The following COL24A1 variants were observed in gnomAD, a reference collection of about 807,000 sequenced individuals.
The protein encoded by COL24A1 is collagen alpha-1(XXIV) chain.
In COL24A1, 224 loss-of-function variants were observed where a neutral mutation model predicts 253.9. The ratio of observed to expected loss-of-function variants is 0.88; its 90% CI spans 0.79 to 0.99. COL24A1 has a LOEUF of 0.99. Ranked by LOEUF, COL24A1 falls within the 50% of genes least tolerant of loss-of-function variation. COL24A1 has a pLI of 0.00. For missense variants in COL24A1, 2,131 were observed against 2,068.5 expected (o/e 1.03, Z -0.59); for synonymous variants, 685 against 673.7 (o/e 1.02, Z -0.26).
At chr1:86,006,976 C>A (rs964700365) in intron 19 of COL24A1, among the ~76,000 whole-genome samples, 1 of 152,038 alleles carries the variant, frequency 6.6e-6, no homozygotes, top group Non-Finnish European at 1.5e-5. Flanking sequence ...CTTTGGGAGG[C>A]CAAGGTGTGA....
At chr1:85,898,497 A>C (rs1222466234) in intron 28 of COL24A1, among the ~76,000 whole-genome samples, 1 of 152,192 alleles carries the variant, frequency 6.6e-6, no homozygotes, top group Non-Finnish European at 1.5e-5. Context: ...AAGGTACTCC[A>C]TAATCTATTC....
At chr1:86,112,859 T>C (rs1705745374) in intron 4 of COL24A1, among the ~76,000 whole-genome samples, 1 of 152,342 alleles carries the variant, frequency 6.6e-6, no homozygotes, top group South Asian at 2.1e-4. Flanking sequence ...AATATCTCTC[T>C]CCTACTAATT....
chr1:85,896,452 C>CT (rs759020315), intron 28 of COL24A1, 43 bp from the exon 29 acceptor site: 1,574 of 1,477,546 alleles, frequency 1.1e-3, no homozygotes, highest in Non-Finnish European at 1.2e-3. Context: ...TGAAATGTTC[C>CT]TTTTTTTTTC....
Position 85,729,576 on chromosome 1 carries a change from A to G in COL24A1, c.*970T>C, listed in dbSNP as rs1663277623. The G allele has an allele frequency of 6.6e-6, 1 of 152,622 alleles. No individual in the cohort carries two copies. The highest frequency in any genetic ancestry group is 1.5e-5 in the Non-Finnish European group (1 of 68,034). 9.5% of individuals were successfully genotyped at this position (152,622 alleles called of 1,614,324 possible). On this transcript the variant is annotated 3_prime_UTR_variant, in exon 60 of 60. Coordinates refer to ENST00000370571, the MANE Select transcript of COL24A1 (RefSeq NM_152890.7). Reference sequence around the variant, plus strand: ...ATATAAAGGTTTTATAATTTAAAACAGCAGCAATTTCAAAAAATTTGCTGA... The same window carrying G: ...ATATAAAGGTTTTATAATTTAAAACGGCAGCAATTTCAAAAAATTTGCTGA...
intron 5 of COL24A1, among the ~76,000 whole-genome samples, chr1:86,108,620 T>TAAA (rs55852463): frequency 6.0e-5 from 5 of 83,098 alleles, no homozygotes; most frequent in African/African-American, 2.6e-4. Context: ...CCATCTCTAC[T>TAAA]AAAAAAAAAA....
intron 7 of COL24A1, among the ~76,000 whole-genome samples, chr1:86,074,346 C>T (rs1702093058): frequency 6.6e-6 from 1 of 151,864 alleles, no homozygotes; most frequent in Non-Finnish European, 1.5e-5. Flanking sequence ...CAACAAAGAT[C>T]AAAAAAGACA....
chr1:86,148,460 T>C (rs1572082769), intron 1 of COL24A1, among the ~76,000 whole-genome samples: 1 of 152,270 alleles, frequency 6.6e-6, no homozygotes, highest in Middle Eastern at 3.4e-3. Context: ...TAACTCGTCA[T>C]CTAGCATGAG....
chr1:85,797,044 C>CAA (rs149029376), intron 47 of COL24A1, among the ~76,000 whole-genome samples: 6 of 138,084 alleles, frequency 4.3e-5, no homozygotes, highest in African/African-American at 5.3e-5. Context: ...ACCAAAAATA[C>CAA]AAAAAAAAAA....
At chr1:85,746,496 G>A (rs1457786528) in intron 55 of COL24A1, among the ~76,000 whole-genome samples, 1 of 152,100 alleles carries the variant, frequency 6.6e-6, no homozygotes, top group South Asian at 2.1e-4. Context: ...ATTTAGAGAG[G>A]AGATAGGCAA....
At chr1:85,805,451 A>G (rs942886000) in intron 47 of COL24A1, among the ~76,000 whole-genome samples, 3 of 152,222 alleles carry the variant, frequency 2.0e-5, no homozygotes, top group Non-Finnish European at 4.4e-5. Flanking sequence ...GATACAAATC[A>G]GTAGTGCTTC....
In COL24A1 at chr1:86,022,893, A is replaced by G. The variant is rs778985648; in HGVS notation, c.2104-16T>C. On this transcript the variant is annotated splice_polypyrimidine_tract_variant and intron_variant, in intron 15 of 59. Transcript: ENST00000370571. ...CTGAAAGGCCCTACAAAAAAAGGTG[A>G]CATTTTGTGATATCATAGACAGATT... The G allele has an allele frequency of 3.7e-6, 6 of 1,608,844 alleles. No individual in the cohort carries two copies. Among genetic ancestry groups the G allele is most frequent in the Non-Finnish European group, 5.1e-6 (6 of 1,177,236 alleles).
At chr1:85,844,311 T>C (rs1676937145) in intron 39 of COL24A1, among the ~76,000 whole-genome samples, 1 of 152,096 alleles carries the variant, frequency 6.6e-6, no homozygotes, top group East Asian at 1.9e-4. Flanking sequence ...TCCTTTAAGA[T>C]AACTCTTGTT....
At chr1:86,060,535 G>C (rs1468313130) in intron 8 of COL24A1, among the ~76,000 whole-genome samples, 1 of 152,116 alleles carries the variant, frequency 6.6e-6, no homozygotes, top group Non-Finnish European at 1.5e-5. Flanking sequence ...ATGAAAAATA[G>C]AGGATAATAG....
intron 47 of COL24A1, among the ~76,000 whole-genome samples, chr1:85,793,858 T>C (rs11161674): frequency 0.096 from 14,618 of 152,104 alleles, 1,170 homozygotes; most frequent in African/African-American, 0.2. Context: ...AATGGGGATA[T>C]GACTTAACAG....
chr1:85,854,278 G>T (rs1017676918), intron 37 of COL24A1, among the ~76,000 whole-genome samples: 3 of 152,094 alleles, frequency 2.0e-5, no homozygotes, highest in African/African-American at 7.2e-5. Flanking sequence ...AGCTGTAGTT[G>T]TGTGGCTTTA....
intron 44 of COL24A1, 36 bp downstream of exon 44, chr1:85,823,649 A>G (rs753007053): frequency 6.2e-7 from 1 of 1,613,132 alleles, no homozygotes; most frequent in East Asian, 2.2e-5. Context: ...AGTTATATTA[A>G]TGTTAATTTT....
At chr1:85,788,986 A>G (rs1669996401) in intron 47 of COL24A1, among the ~76,000 whole-genome samples, 1 of 152,210 alleles carries the variant, frequency 6.6e-6, no homozygotes. Flanking sequence ...GTTTGAAGTC[A>G]GGCAGAGTGA....
At chr1:86,115,197 A>G in intron 4 of COL24A1, 128 bp downstream of exon 4, 1 of 811,936 alleles carries the variant, frequency 1.2e-6, no homozygotes, top group Non-Finnish European at 1.9e-6. Flanking sequence ...TGAATTGGCT[A>G]AGGTAGGACT....
At chr1:86,101,661 T>C (rs1704466107) in intron 5 of COL24A1, among the ~76,000 whole-genome samples, 1 of 152,198 alleles carries the variant, frequency 6.6e-6, no homozygotes. Context: ...GTTTTTGTCT[T>C]TAATTCTGTT....
Sources: allele counts gnomAD v4.1 joint callset (sites outside exome capture counted in the v4.1 genomes callset), GRCh38; gene constraint gnomAD v4.1.1; transcripts MANE v1.5; gene names NCBI Gene and HGNC (gene_info 2026-07-23, HGNC 2026-07-21).